The following CDC34 variants were observed in gnomAD, a reference collection of about 807,000 sequenced individuals.
CDC34 encodes cell division cycle 34, ubiquitin conjugating enzyme.
Under a neutral mutation model 26.8 loss-of-function variants are expected in CDC34, and 18 were observed. The observed-to-expected ratio is 0.67, with a 90% CI of 0.47 to 1.00. The LOEUF is 1.00. CDC34 is among the 50% of genes least tolerant of loss of function. The pLI, the probability that CDC34 is intolerant of heterozygous loss-of-function variation, is 0.00. For synonymous variants in CDC34, 178 were observed against 147.5 expected, an observed-to-expected ratio of 1.21 and a Z score of -1.50; for missense variants, 280 against 334.5, an observed-to-expected ratio of 0.84 and a Z score of 1.27.
At chr19:536,678 G>T (rs111872830) in intron 3 of CDC34, 1 of 534,550 alleles carries the variant, frequency 1.9e-6, no homozygotes, top group Non-Finnish European at 3.4e-6. Flanking sequence ...CACGTGTGCC[G>T]CCTGGGCCTC....
In CDC34 at chr19:540,124, A is replaced by G. The variant is rs866332808; in HGVS notation, c.498-1215A>G. 1.3e-3 allele frequency among the ~76,000 whole-genome samples: 69 copies of G among 52,148 alleles called. 1 individual carries two copies. Among genetic ancestry groups the G allele is most frequent in the South Asian group, 5.8e-3 (6 of 1,038 alleles). The allele number at this position is 52,148 out of a possible 152,430, so 34.2% of individuals were successfully genotyped here. ...GGAGGCCGGGGTGGCCAGGCCCCCC[A>G]CGTTTAGAATCCGGAGGCCGGGGTG... On this transcript the variant is annotated intron_variant, in intron 4 of 4. Transcript: ENST00000215574.
rs781677074 is a variant in CDC34 at position 535,827 on chromosome 19, G to T, written c.178-10G>T. 6.2e-7 allele frequency: 1 copy of T among 1,611,796 alleles called. No individual in the cohort carries two copies. The highest frequency in any genetic ancestry group is 8.5e-7 in the Non-Finnish European group (1 of 1,178,574). ...GGCTGGACTGAGCCACCTGCCTTCT[G>T]CCCCTGCAGGCGCGCCTCAAGTTCC... On this transcript the variant is annotated splice_polypyrimidine_tract_variant and intron_variant, in intron 1 of 4. Coordinates refer to ENST00000215574, the MANE Select transcript of CDC34 (RefSeq NM_004359.2).
At chr19:536,210 T>G (rs1392710062) in intron 2 of CDC34, 33 bp from the exon 3 acceptor site, 1 of 1,554,742 alleles carries the variant, frequency 6.4e-7, no homozygotes, top group African/African-American at 1.4e-5. Context: ...TGCTGACCTC[T>G]GACCTGTTCT....
intron 1 of CDC34, among the ~76,000 whole-genome samples, chr19:533,367 G>C (rs1331083694): frequency 6.6e-6 from 1 of 152,244 alleles, no homozygotes; most frequent in Non-Finnish European, 1.5e-5. Flanking sequence ...TGCTCTCCGA[G>C]CTAATTAGTG....
chr19:539,479 C>T (rs576911337), intron 4 of CDC34, among the ~76,000 whole-genome samples: 198 of 152,342 alleles, frequency 1.3e-3, no homozygotes, highest in African/African-American at 4.4e-3. Flanking sequence ...GCTTGGCGTC[C>T]GCTGGGTCCC....
At chr19:535,526 G>C (rs1344189555) in intron 1 of CDC34, among the ~76,000 whole-genome samples, 1 of 152,206 alleles carries the variant, frequency 6.6e-6, no homozygotes, top group Non-Finnish European at 1.5e-5. Context: ...GCCTGACCTG[G>C]GCTGCCACGG....
chr19:536,810 C>T (rs1278183369), intron 3 of CDC34: 2 of 614,936 alleles, frequency 3.3e-6, no homozygotes, highest in East Asian at 5.5e-5. Context: ...GCTGCCCTCC[C>T]TGGTCTTGGC....
At position 541,453 on chromosome 19, in the gene CDC34, C is replaced by T. The variant is rs768025971; in HGVS notation, c.612C>T (p.Asp204=). 1 of 1,612,898 alleles carries T rather than the reference C, an allele frequency of 6.2e-7. No homozygotes were observed. Among genetic ancestry groups the T allele is most frequent in the East Asian group, 2.2e-5 (1 of 44,868 alleles). ...CGCCGGCGCCCGACGAGGGCTCAGA[C>T]CTCTTCTACGACGACTACTACGAGG... ...TKAPAPDEGS[D]LFYDDYYEDG... is the part of the protein sequence containing the mutation. The change falls in exon 5 of 5, where the codon GAC becomes GAT. Residue 204 remains aspartate, a synonymous_variant. Coordinates refer to ENST00000215574, the MANE Select transcript of CDC34 (RefSeq NM_004359.2).
At chr19:533,788 C>T (rs940388279) in intron 1 of CDC34, among the ~76,000 whole-genome samples, 3 of 152,242 alleles carry the variant, frequency 2.0e-5, no homozygotes, top group Non-Finnish European at 4.4e-5. Flanking sequence ...AGGGTCAGTC[C>T]TCAGAAGCCA....
intron 3 of CDC34, 119 bp from the exon 4 acceptor site, chr19:536,894 G>A (rs1979779728): frequency 9.1e-7 from 1 of 1,103,068 alleles, no homozygotes; most frequent in Non-Finnish European, 1.3e-6. Context: ...GAGGCCATGA[G>A]GCCAGGTGAA....
At chr19:539,020 A>G (rs1281705750) in intron 4 of CDC34, 1 of 984,524 alleles carries the variant, frequency 1.0e-6, no homozygotes, top group South Asian at 4.7e-5. Context: ...AAGCCACACT[A>G]TTTTTATCCC....
At chr19:539,399 A>G (rs1600429439) in intron 4 of CDC34, among the ~76,000 whole-genome samples, 1 of 133,920 alleles carries the variant, frequency 7.5e-6, no homozygotes, top group Non-Finnish European at 1.6e-5. Context: ...CACTGCTGCC[A>G]CCCGTGCAGT....
intron 4 of CDC34, among the ~76,000 whole-genome samples, chr19:539,877 A>G (rs1272729396): frequency 6.6e-6 from 1 of 152,136 alleles, no homozygotes; most frequent in African/African-American, 2.4e-5. Context: ...TGCGCGGTGC[A>G]GCCCCTCATA....
At chr19:539,406 C>T (rs1461824909) in intron 4 of CDC34, among the ~76,000 whole-genome samples, 1 of 151,910 alleles carries the variant, frequency 6.6e-6, no homozygotes, top group Non-Finnish European at 1.5e-5. Flanking sequence ...GCCACCCGTG[C>T]AGTGCCGTCC....
At chr19:539,869 C>T (rs377081676) in intron 4 of CDC34, among the ~76,000 whole-genome samples, 4 of 152,134 alleles carry the variant, frequency 2.6e-5, no homozygotes, top group African/African-American at 7.2e-5. Flanking sequence ...TCCTGGTGTG[C>T]GCGGTGCAGC....
chr19:539,487 C>G (rs1006141060), intron 4 of CDC34, among the ~76,000 whole-genome samples: 10 of 152,216 alleles, frequency 6.6e-5, no homozygotes, highest in East Asian at 3.9e-4. Context: ...TCCGCTGGGT[C>G]CCGCCACCCA....
At position 535,857 on chromosome 19, in the gene CDC34, C is replaced by A; in HGVS notation, c.198C>A (p.Ile66=). The A allele has an allele frequency of 1.2e-6, 2 of 1,613,862 alleles. No individual in the cohort carries two copies. Among genetic ancestry groups the A allele is most frequent in the Non-Finnish European group, 1.7e-6 (2 of 1,179,964 alleles). ...GYFKARLKFP[I]DYPYSPPAFR... is the part of the protein sequence containing the mutation. ...TGCAGGCGCGCCTCAAGTTCCCCATCGACTACCCATACTCTCCACCAGCCT... is the reference window on the plus strand; with the variant it reads ...TGCAGGCGCGCCTCAAGTTCCCCATAGACTACCCATACTCTCCACCAGCCT... The change falls in exon 2 of 5, where the codon ATC becomes ATA. Residue 66 remains isoleucine (I), a synonymous_variant. Transcript: ENST00000215574.
Position 535,854 on chromosome 19 carries a change from C to T in CDC34, c.195C>T (p.Pro65=). 1.2e-6 allele frequency: 2 copies of T among 1,613,852 alleles called. No homozygotes were observed. Among genetic ancestry groups the T allele is most frequent in the Non-Finnish European group, 1.7e-6 (2 of 1,179,944 alleles). Residue 65 remains proline, a synonymous_variant, in exon 2 of 5, where the codon CCC becomes CCT. Transcript: ENST00000215574. ...CCCTGCAGGCGCGCCTCAAGTTCCC[C>T]ATCGACTACCCATACTCTCCACCAG... ...GGYFKARLKF[P]IDYPYSPPAF... is the part of the protein sequence containing the mutation.
intron 3 of CDC34, chr19:536,786 G>A: frequency 2.6e-5 from 15 of 584,306 alleles, no homozygotes; most frequent in Non-Finnish European, 4.6e-5. Context: ...GTCTGACGGA[G>A]GGGTCTGCAC....
Sources: gnomAD v4.1 joint callset for allele counts (sites outside exome capture counted in the v4.1 genomes callset) on GRCh38, gnomAD v4.1.1 for gene constraint, MANE v1.5 for transcripts, NCBI Gene and HGNC (gene_info 2026-07-23, HGNC 2026-07-21) for gene names.